The following FCHSD2 variants were observed in gnomAD, a reference collection of about 807,000 sequenced individuals.
FCHSD2 encodes FCH and double SH3 domains 2.
In FCHSD2, 38 loss-of-function variants were observed where a neutral mutation model predicts 108.1. The ratio of observed to expected loss-of-function variants is 0.35; its 90% confidence interval spans 0.27 to 0.46. The LOEUF (loss-of-function observed/expected upper bound fraction) is 0.46. Ranked by LOEUF, FCHSD2 falls within the 20% of genes least tolerant of loss-of-function variation. FCHSD2 has a pLI of 1.00. For synonymous variants in FCHSD2, 279 were observed against 314.7 expected (o/e 0.89, Z 1.20); for missense variants, 751 against 897.8 (o/e 0.84, Z 2.09).
At chr11:72,940,454 G>T (rs1156641454) in intron 8 of FCHSD2, 1 of 655,568 alleles carries the variant, frequency 1.5e-6, no homozygotes, top group Admixed American at 2.4e-5. Flanking sequence ...TAGTAAATAA[G>T]CTATTTTCCT....
At chr11:72,919,393 CTT>C (rs1855936726) in intron 9 of FCHSD2, among the ~76,000 whole-genome samples, 1 of 152,116 alleles carries the variant, frequency 6.6e-6, no homozygotes, top group South Asian at 2.1e-4. Flanking sequence ...AAGCTTATCT[CTT>C]TATGTGTCCA....
At chr11:73,111,463 CTTT>C (rs35943868) in intron 2 of FCHSD2, among the ~76,000 whole-genome samples, 1 of 142,196 alleles carries the variant, frequency 7.0e-6, no homozygotes, top group Non-Finnish European at 1.5e-5. Context: ...TTTCTCCATC[CTTT>C]TTTTTTTTTT....
intron 4 of FCHSD2, among the ~76,000 whole-genome samples, chr11:73,003,110 T>G (rs1857659965): frequency 6.6e-6 from 1 of 152,206 alleles, no homozygotes; most frequent in African/African-American, 2.4e-5. Context: ...AGCAGATTTA[T>G]AGCAGGGAAA....
At chr11:73,010,436 G>A (rs1357457430) in intron 4 of FCHSD2, among the ~76,000 whole-genome samples, 8 of 152,130 alleles carry the variant, frequency 5.3e-5, no homozygotes, top group Non-Finnish European at 1.5e-5. Flanking sequence ...AGAGAATTAT[G>A]TTATTCCTTT....
intron 3 of FCHSD2, among the ~76,000 whole-genome samples, chr11:73,031,608 T>G (rs1186964936): frequency 3.9e-5 from 6 of 152,174 alleles, no homozygotes; most frequent in Non-Finnish European, 2.9e-5. Flanking sequence ...GATCTTCACT[T>G]AAACTGAATG....
chr11:73,033,483 T>C (rs949621388), intron 3 of FCHSD2, among the ~76,000 whole-genome samples: 2 of 152,086 alleles, frequency 1.3e-5, no homozygotes, highest in African/African-American at 2.4e-5. Context: ...CTTATAAACA[T>C]ACTCTGACCC....
intron 12 of FCHSD2, among the ~76,000 whole-genome samples, chr11:72,878,684 G>C (rs1227066811): frequency 6.6e-6 from 1 of 152,174 alleles, no homozygotes; most frequent in East Asian, 1.9e-4. Flanking sequence ...ATACTAAATA[G>C]ATAAAAATCT....
At chr11:73,098,579 A>C (rs2135530501) in intron 2 of FCHSD2, among the ~76,000 whole-genome samples, 1 of 152,228 alleles carries the variant, frequency 6.6e-6, no homozygotes, top group East Asian at 1.9e-4. Flanking sequence ...CAGTATGGTT[A>C]GTTGGAATAG....
At chr11:73,088,078 C>T (rs535858494) in intron 2 of FCHSD2, among the ~76,000 whole-genome samples, 4 of 152,250 alleles carry the variant, frequency 2.6e-5, no homozygotes, top group African/African-American at 7.2e-5. Context: ...TTGCTATGTT[C>T]CCTAGGCTGG....
intron 3 of FCHSD2, among the ~76,000 whole-genome samples, chr11:73,017,901 C>G (rs764099067): frequency 1.3e-5 from 2 of 152,066 alleles, no homozygotes; most frequent in African/African-American, 2.4e-5. Flanking sequence ...AGTATAATAG[C>G]TATTCTTTCT....
At chr11:73,057,394 C>T (rs902059055) in intron 3 of FCHSD2, among the ~76,000 whole-genome samples, 1 of 152,130 alleles carries the variant, frequency 6.6e-6, no homozygotes, top group African/African-American at 2.4e-5. Flanking sequence ...TTAAAGCATT[C>T]CACCAGGATT....
At chr11:73,065,350 T>A (rs1859266800) in intron 3 of FCHSD2, among the ~76,000 whole-genome samples, 1 of 152,140 alleles carries the variant, frequency 6.6e-6, no homozygotes, top group African/African-American at 2.4e-5. Context: ...ATCAATGGAA[T>A]GTATCTCAAA....
At chr11:72,999,696 C>A (rs1268184835) in intron 5 of FCHSD2, among the ~76,000 whole-genome samples, 1 of 152,056 alleles carries the variant, frequency 6.6e-6, no homozygotes, top group Non-Finnish European at 1.5e-5. Flanking sequence ...GAGAAAAGCA[C>A]CAGAGGTAGT....
intron 3 of FCHSD2, among the ~76,000 whole-genome samples, chr11:73,034,053 T>C (rs922478258): frequency 1.3e-5 from 2 of 152,202 alleles, no homozygotes; most frequent in Non-Finnish European, 2.9e-5. Context: ...GTTGCTTTTT[T>C]CTTTCTAAAG....
intron 4 of FCHSD2, among the ~76,000 whole-genome samples, chr11:73,014,264 T>C (rs531170510): frequency 6.6e-6 from 1 of 151,434 alleles, no homozygotes; most frequent in Non-Finnish European, 1.5e-5. Context: ...CCTGAGTAGC[T>C]GGGACTACAT....
At chr11:72,988,718 C>T (rs926681755) in intron 6 of FCHSD2, among the ~76,000 whole-genome samples, 3 of 152,088 alleles carry the variant, frequency 2.0e-5, no homozygotes, top group Non-Finnish European at 4.4e-5. Flanking sequence ...GTTCATTTAC[C>T]TTCTTTTTCA....
intron 9 of FCHSD2, among the ~76,000 whole-genome samples, chr11:72,902,974 A>C (rs969620930): frequency 6.6e-6 from 1 of 152,168 alleles, no homozygotes; most frequent in African/African-American, 2.4e-5. Context: ...CAGATAAGGA[A>C]ACACATTGGT....
At chr11:73,020,217 A>G (rs183106982) in intron 3 of FCHSD2, among the ~76,000 whole-genome samples, 1 of 152,356 alleles carries the variant, frequency 6.6e-6, no homozygotes, top group African/African-American at 2.4e-5. Context: ...AAGTGAAGAA[A>G]CACAAAGAGA....
intron 8 of FCHSD2, among the ~76,000 whole-genome samples, chr11:72,974,846 A>C (rs1168048277): frequency 6.6e-6 from 1 of 152,216 alleles, no homozygotes; most frequent in Non-Finnish European, 1.5e-5. Context: ...GCAGAGATTT[A>C]ACAGAATTAA....
Sources: allele counts gnomAD v4.1 joint callset (sites outside exome capture counted in the v4.1 genomes callset), GRCh38; gene constraint gnomAD v4.1.1; transcripts MANE v1.5; gene names NCBI Gene and HGNC (gene_info 2026-07-23, HGNC 2026-07-21).